Variants in SPATS2 observed in about 807,000 individuals in gnomAD.
SPATS2 encodes spermatogenesis associated serine rich 2.
In SPATS2, 38 loss-of-function variants were observed where a neutral mutation model predicts 63.7. The ratio of observed to expected loss-of-function variants is 0.60; its 90% CI spans 0.46 to 0.78. The LOEUF (loss-of-function observed/expected upper bound fraction) is 0.78, where lower values mean the gene tolerates loss of function less well. Among genes scored for constraint, SPATS2 ranks in the 30% least tolerant of loss-of-function variants. The pLI is 0.00. For missense variants in SPATS2, 588 were observed against 666.2 expected (o/e 0.88, Z 1.29); for synonymous variants, 207 against 232.9 (o/e 0.89, Z 1.01).
intron 2 of SPATS2, among the ~76,000 whole-genome samples, chr12:49,430,225 C>T (rs1338557924): frequency 6.6e-5 from 10 of 151,072 alleles, no homozygotes; most frequent in African/African-American, 1.7e-4. Context: ...CTCAGCCTCC[C>T]GAGTAGCTGG....
chr12:49,419,948 T>C (rs989155130), intron 2 of SPATS2, among the ~76,000 whole-genome samples: 2 of 152,228 alleles, frequency 1.3e-5, no homozygotes, highest in Non-Finnish European at 2.9e-5. Flanking sequence ...ATTTCTGAAA[T>C]GATGAAGCTT....
chr12:49,391,646 TAAAAG>T (rs772167917), intron 2 of SPATS2, among the ~76,000 whole-genome samples: 11 of 152,218 alleles, frequency 7.2e-5, no homozygotes, highest in Non-Finnish European at 1.5e-4. Context: ...TAAAAAGGGA[TAAAAG>T]AAGAGTGTCA....
intron 9 of SPATS2, among the ~76,000 whole-genome samples, chr12:49,506,325 T>A (rs1450334624): frequency 6.8e-6 from 1 of 148,106 alleles, no homozygotes; most frequent in Non-Finnish European, 1.5e-5. Flanking sequence ...AAGGAAAGAG[T>A]TTAATTGACT....
At chr12:49,446,114 A>AG (rs1191378282) in intron 2 of SPATS2, among the ~76,000 whole-genome samples, 1 of 151,980 alleles carries the variant, frequency 6.6e-6, no homozygotes, top group East Asian at 1.9e-4. Flanking sequence ...ATGTTGCCCA[A>AG]GGTGGTCTCG....
At chr12:49,435,778 A>G (rs1592392463) in intron 2 of SPATS2, among the ~76,000 whole-genome samples, 1 of 148,010 alleles carries the variant, frequency 6.8e-6, no homozygotes, top group East Asian at 1.9e-4. Flanking sequence ...TCCTAGGCAG[A>G]GGACCCTGCG....
At chr12:49,436,980 C>T (rs1323782798) in intron 2 of SPATS2, among the ~76,000 whole-genome samples, 5 of 151,560 alleles carry the variant, frequency 3.3e-5, no homozygotes, top group Admixed American at 2.6e-4. Context: ...ACCTCCATTC[C>T]GGACTGGGGC....
intron 2 of SPATS2, among the ~76,000 whole-genome samples, chr12:49,443,973 C>A (rs1478827863): frequency 6.6e-6 from 1 of 152,104 alleles, no homozygotes; most frequent in Non-Finnish European, 1.5e-5. Context: ...CTTTGAATTT[C>A]CATATAAATT....
chr12:49,448,899 A>G (rs1000621665), intron 2 of SPATS2, among the ~76,000 whole-genome samples: 1 of 152,184 alleles, frequency 6.6e-6, no homozygotes, highest in Non-Finnish European at 1.5e-5. Flanking sequence ...AGCTTTCTCT[A>G]TAAAGGGCCA....
At chr12:49,425,838 G>GTTTTA in intron 2 of SPATS2, among the ~76,000 whole-genome samples, 2 of 151,874 alleles carry the variant, frequency 1.3e-5, no homozygotes. Flanking sequence ...TCACCACGTT[G>GTTTTA]GCCAGGCTGG....
intron 10 of SPATS2, among the ~76,000 whole-genome samples, chr12:49,516,138 C>CAA (rs57936702): frequency 0.012 from 42 of 3,480 alleles, 8 homozygotes; most frequent in Non-Finnish European, 0.019. Context: ...GACTCCATCT[C>CAA]AAAAAAAAAA....
chr12:49,485,428 C>T (rs1946274787), intron 4 of SPATS2, among the ~76,000 whole-genome samples: 1 of 152,136 alleles, frequency 6.6e-6, no homozygotes. Flanking sequence ...GTGGCACGAT[C>T]TCAGCTCACT....
chr12:49,501,069 A>G (rs1288998670), intron 9 of SPATS2, among the ~76,000 whole-genome samples: 3 of 151,978 alleles, frequency 2.0e-5, no homozygotes, highest in Admixed American at 2.0e-4. Flanking sequence ...CTCCCACCTC[A>G]GCCTCCCAAG....
rs1224356844 is a variant in SPATS2, at chr12:49,526,110, A to G, written c.1493A>G (p.Asn498Ser). ...AGTGCTCCATCTCAGGCACCAGGAA[A>G]CACCATTGAAAGAGGCCAGACTCAC... ...YQSAPSQAPGNTIERGQTHSA... is the reference protein window; with the variant it reads ...YQSAPSQAPGSTIERGQTHSA... The change falls in exon 14 of 14, where the codon AAC (asparagine) becomes AGC (serine). Residue 498 changes from asparagine (N) to serine (S), a missense_variant. Transcript: ENST00000552918. The G allele has an allele frequency of 6.2e-7, 1 of 1,614,212 alleles. No individual in the cohort carries two copies. The highest frequency in any genetic ancestry group is 8.5e-7 in the Non-Finnish European group (1 of 1,180,042).
intron 2 of SPATS2, among the ~76,000 whole-genome samples, chr12:49,398,646 T>C (rs1217571561): frequency 1.3e-5 from 2 of 152,206 alleles, no homozygotes; most frequent in East Asian, 3.8e-4. Flanking sequence ...GTGTTAAATT[T>C]TCAAACATGA....
intron 2 of SPATS2, among the ~76,000 whole-genome samples, chr12:49,424,698 A>G (rs1489156043): frequency 1.3e-5 from 2 of 152,108 alleles, no homozygotes; most frequent in African/African-American, 4.8e-5. Flanking sequence ...TTTGTTTGAG[A>G]TGGAGTTTTG....
rs747754181 is a variant in SPATS2, at chr12:49,526,324, TAC to T, written c.*71_*72del. On this transcript the variant is annotated 3_prime_UTR_variant, in exon 14 of 14. Coordinates refer to ENST00000552918, the MANE Select transcript of SPATS2 (RefSeq NM_023071.4). ...CTTGATAACTGGACTTTAGGAAACT[TAC>T]AGTTAGATGTAATAACAAAAAGAAG... The T allele has an allele frequency of 7.4e-6, 11 of 1,493,842 alleles. No individual in the cohort carries two copies. The highest frequency in any genetic ancestry group is 1.4e-5 in the South Asian group (1 of 72,476). The allele number at this position is 1,493,842 out of a possible 1,614,324, so 92.5% of individuals were successfully genotyped here. A position where few individuals can be genotyped will look rare whatever the true frequency, so the allele number is the denominator to read the frequency against.
At chr12:49,520,054 A>G (rs1946915040) in intron 11 of SPATS2, among the ~76,000 whole-genome samples, 1 of 150,850 alleles carries the variant, frequency 6.6e-6, no homozygotes, top group African/African-American at 2.4e-5. Context: ...ATCTCAGCTC[A>G]CCGCAACCTC....
rs1207962979 is a variant in SPATS2 at position 49,395,664 on chromosome 12, G to A, written c.-244+24374G>A. Among the ~76,000 whole-genome samples, 3 of 151,334 alleles carry A rather than the reference G, an allele frequency of 2.0e-5. No individual in the cohort carries two copies. The South Asian group carries it at 6.3e-4, about 32-fold the overall frequency. On this transcript the variant is annotated intron_variant, in intron 2 of 13. Transcript: ENST00000552918. Reference sequence around the variant, plus strand: ...TGGTCTTGAACTCCTGACCGCAGGTGATCCACCCGCCTCAGCCTCCCAAAG... The same window carrying A: ...TGGTCTTGAACTCCTGACCGCAGGTAATCCACCCGCCTCAGCCTCCCAAAG...
At chr12:49,471,613 C>G (rs1408941791) in intron 3 of SPATS2, among the ~76,000 whole-genome samples, 4 of 152,164 alleles carry the variant, frequency 2.6e-5, no homozygotes, top group Admixed American at 6.5e-5. Context: ...ATTACAGGTG[C>G]AAGCCACTGT....
Sources: gnomAD v4.1 joint callset for allele counts (sites outside exome capture counted in the v4.1 genomes callset) on GRCh38, gnomAD v4.1.1 for gene constraint, MANE v1.5 for transcripts, NCBI Gene and HGNC (gene_info 2026-07-23, HGNC 2026-07-21) for gene names.